Variants in MYO3A observed in about 807,000 individuals in gnomAD.
MYO3A encodes the protein myosin-IIIa.
In MYO3A, 180 loss-of-function variants were observed where a neutral mutation model predicts 192.7. The observed-to-expected ratio is 0.93, with a 90% CI of 0.83 to 1.06. The LOEUF (loss-of-function observed/expected upper bound fraction) is 1.06, where lower values mean the gene tolerates loss of function less well. Ranked by LOEUF, MYO3A falls within the 50% of genes least tolerant of loss-of-function variation. The pLI is 0.00. For missense variants in MYO3A, 1,896 were observed against 1,905.0 expected (o/e 1.00, Z 0.09); for synonymous variants, 628 against 645.3 (o/e 0.97, Z 0.41).
At chr10:26,038,667 A>T (rs1182664718) in intron 10 of MYO3A, among the ~76,000 whole-genome samples, 1 of 151,558 alleles carries the variant, frequency 6.6e-6, no homozygotes, top group Admixed American at 6.6e-5. Flanking sequence ...TTCAATGTGG[A>T]CTCCCTTTAT....
In MYO3A at chr10:26,203,020, G is replaced by A. The variant is rs142609832; in HGVS notation, c.4643G>A (p.Arg1548His). The A allele has an allele frequency of 1.2e-4, 201 of 1,613,738 alleles. 2 individuals carry two copies. In the African/African-American group the frequency reaches 1.6e-3, roughly 13 times the overall value. Residue 1548 changes from arginine to histidine, a missense_variant, in exon 34 of 35, where the codon CGT (arginine) becomes CAT (histidine). Physicochemically the swap from Arg to His is conservative, Grantham distance 29. Transcript: ENST00000642920. ...TATTATAAGGAATTTTTGCCCAGTC[G>A]TTCTGGACCAAAGGAACATAGCCCT... ...DFYYKEFLPS[R>H]SGPKEHSPSL...
At chr10:26,040,913 A>G (rs778396866) in intron 10 of MYO3A, among the ~76,000 whole-genome samples, 20 of 152,164 alleles carry the variant, frequency 1.3e-4, no homozygotes, top group Non-Finnish European at 2.4e-4. Flanking sequence ...GGTCTATTTC[A>G]TCTATAATGC....
chr10:26,212,203 T>G lies in MYO3A; in HGVS notation c.*240T>G. The G allele has an allele frequency of 7.2e-6, 4 of 552,668 alleles. No individual in the cohort carries two copies. In the South Asian group the frequency reaches 1.3e-4, roughly 17 times the overall value. The allele number at this position is 552,668 out of a possible 1,614,324, so 34.2% of individuals were successfully genotyped here. On this transcript the variant is annotated 3_prime_UTR_variant, in exon 35 of 35. Transcript: ENST00000642920. ...GCTCTCTCTCGGAACTCCCGCACCCTCCTTTCTCACCAGCCCGCCAGTTGT... is the reference window on the plus strand; with the variant it reads ...GCTCTCTCTCGGAACTCCCGCACCCGCCTTTCTCACCAGCCCGCCAGTTGT...
At chr10:25,972,494 C>T (rs1838716551) in intron 4 of MYO3A, among the ~76,000 whole-genome samples, 1 of 151,996 alleles carries the variant, frequency 6.6e-6, no homozygotes, top group South Asian at 2.1e-4. Flanking sequence ...TGTTTCTTTG[C>T]ATGTCTTATT....
intron 4 of MYO3A, among the ~76,000 whole-genome samples, chr10:25,975,495 C>G (rs1435055325): frequency 4.6e-5 from 7 of 151,888 alleles, no homozygotes; most frequent in African/African-American, 1.7e-4. Flanking sequence ...CCCATCATGG[C>G]TGGGACTGTT....
chr10:26,060,492 G>C lies in MYO3A; in HGVS notation c.954-6483G>C, dbSNP rs755043040. On this transcript the variant is annotated intron_variant, in intron 10 of 34. Coordinates refer to ENST00000642920, the MANE Select transcript of MYO3A (RefSeq NM_017433.5). ...CAAACAAACAAACAAACAAACAAAAGACAGTGATACAAGAATATTCTAAAG... is the reference window on the plus strand; with the variant it reads ...CAAACAAACAAACAAACAAACAAAACACAGTGATACAAGAATATTCTAAAG... Among the ~76,000 whole-genome samples the C allele has an allele frequency of 3.3e-5, 5 of 151,652 alleles. No individual in the cohort carries two copies. The East Asian group carries it at 9.7e-4, about 29-fold the overall frequency.
chr10:26,005,323 TGTTAA>T (rs1201489842), intron 6 of MYO3A, among the ~76,000 whole-genome samples: 5 of 151,396 alleles, frequency 3.3e-5, no homozygotes, highest in Non-Finnish European at 2.9e-5. Flanking sequence ...TAAAAAAAAA[TGTTAA>T]GTTCATGAAA....
intron 10 of MYO3A, among the ~76,000 whole-genome samples, chr10:26,042,807 T>A (rs1843425401): frequency 6.6e-6 from 1 of 152,220 alleles, no homozygotes; most frequent in Non-Finnish European, 1.5e-5. Context: ...CCAGGATTGG[T>A]CCCTGGTGAC....
intron 30 of MYO3A, among the ~76,000 whole-genome samples, chr10:26,175,922 C>T (rs1268086108): frequency 1.3e-5 from 2 of 152,128 alleles, no homozygotes; most frequent in Non-Finnish European, 2.9e-5. Flanking sequence ...TTCTCAGAGC[C>T]AGGATGCGGA....
chr10:25,957,098 A>G (rs1338060862), intron 4 of MYO3A, among the ~76,000 whole-genome samples: 4 of 152,134 alleles, frequency 2.6e-5, no homozygotes, highest in African/African-American at 4.8e-5. Flanking sequence ...TTCACAATGT[A>G]TATGTACCAC....
intron 31 of MYO3A, among the ~76,000 whole-genome samples, chr10:26,190,407 G>A (rs1011081037): frequency 1.3e-5 from 2 of 152,196 alleles, no homozygotes; most frequent in South Asian, 2.1e-4. Context: ...ATGACTGCGG[G>A]TTCATTTGAG....
At chr10:26,110,687 G>A (rs1838110182) in intron 17 of MYO3A, among the ~76,000 whole-genome samples, 1 of 152,106 alleles carries the variant, frequency 6.6e-6, no homozygotes, top group African/African-American at 2.4e-5. Context: ...CTCGTGTAAA[G>A]GATAGAGTGT....
At chr10:25,973,069 G>A (rs1649183008) in intron 4 of MYO3A, among the ~76,000 whole-genome samples, 1 of 152,122 alleles carries the variant, frequency 6.6e-6, no homozygotes, top group African/African-American at 2.4e-5. Flanking sequence ...AAATTATTTT[G>A]GGCAGTATGG....
At chr10:26,069,034 T>C (rs774276470) in intron 12 of MYO3A, 150 bp downstream of exon 12, 1 of 592,480 alleles carries the variant, frequency 1.7e-6, no homozygotes, top group Middle Eastern at 4.8e-4. Context: ...CTAGGAAAAA[T>C]AGAAGATAGA....
At chr10:26,101,803 G>A (rs904886196) in intron 17 of MYO3A, among the ~76,000 whole-genome samples, 2 of 152,176 alleles carry the variant, frequency 1.3e-5, no homozygotes, top group African/African-American at 2.4e-5. Flanking sequence ...TGGGTAAGCC[G>A]ACCTTTCTCT....
intron 31 of MYO3A, among the ~76,000 whole-genome samples, chr10:26,178,617 T>C (rs541147878): frequency 6.6e-6 from 1 of 151,338 alleles, no homozygotes; most frequent in African/African-American, 2.4e-5. Flanking sequence ...TACCCAGGTG[T>C]GGGATTTCAT....
intron 4 of MYO3A, among the ~76,000 whole-genome samples, chr10:25,975,222 G>A (rs1397902275): frequency 2.0e-5 from 3 of 152,142 alleles, no homozygotes; most frequent in Admixed American, 6.6e-5. Context: ...AAAAGGTGAA[G>A]CAGAGGACAG....
chr10:26,047,634 G>A (rs1006352748), intron 10 of MYO3A, among the ~76,000 whole-genome samples: 12 of 152,126 alleles, frequency 7.9e-5, no homozygotes, highest in Admixed American at 4.6e-4. Context: ...AATTAGCCGG[G>A]CGTGGTGGCA....
chr10:25,976,775 T>A (rs1246124738), intron 4 of MYO3A, among the ~76,000 whole-genome samples: 1 of 152,152 alleles, frequency 6.6e-6, no homozygotes, highest in Non-Finnish European at 1.5e-5. Flanking sequence ...CTATACATAA[T>A]TATTTTTCAG....
Sources: allele counts gnomAD v4.1 joint callset (sites outside exome capture counted in the v4.1 genomes callset), GRCh38; gene constraint gnomAD v4.1.1; transcripts MANE v1.5; gene names NCBI Gene and HGNC (gene_info 2026-07-23, HGNC 2026-07-21).